The following CCSER1 variants were observed in gnomAD, a reference collection of about 807,000 sequenced individuals.
The protein encoded by CCSER1 is serine-rich coiled-coil domain-containing protein 1.
Under a neutral mutation model 82.0 loss-of-function variants are expected in CCSER1, and 41 were observed. The observed-to-expected ratio is 0.50, with a 90% confidence interval of 0.39 to 0.65. The LOEUF (loss-of-function observed/expected upper bound fraction) is 0.65. Ranked by LOEUF, CCSER1 falls within the 30% of genes least tolerant of loss-of-function variation. CCSER1 has a pLI of 0.00. For missense variants in CCSER1, 1,119 were observed against 1,064.2 expected (o/e 1.05, Z -0.72); for synonymous variants, 414 against 383.9 (o/e 1.08, Z -0.92).
intron 3 of CCSER1, among the ~76,000 whole-genome samples, chr4:90,396,764 A>G (rs1752019982): frequency 6.6e-6 from 1 of 152,066 alleles, no homozygotes; most frequent in Non-Finnish European, 1.5e-5. Flanking sequence ...CGGCAACAAA[A>G]TGATTGTCCC....
intron 5 of CCSER1, among the ~76,000 whole-genome samples, chr4:90,570,235 T>C (rs1397021052): frequency 6.6e-6 from 1 of 152,132 alleles, no homozygotes; most frequent in African/African-American, 2.4e-5. Flanking sequence ...TTGGGAGTCC[T>C]GTGGTCTAGA....
At chr4:90,919,135 G>C (rs1340409784) in intron 8 of CCSER1, among the ~76,000 whole-genome samples, 1 of 126,738 alleles carries the variant, frequency 7.9e-6, no homozygotes, top group African/African-American at 2.8e-5. Flanking sequence ...GAATCTGCAA[G>C]AAAATATAGA....
At chr4:90,237,052 C>CA (rs1350513435) in intron 1 of CCSER1, among the ~76,000 whole-genome samples, 1 of 151,994 alleles carries the variant, frequency 6.6e-6, no homozygotes, top group East Asian at 1.9e-4. Flanking sequence ...AGCTACATGC[C>CA]AGAGTATATT....
intron 5 of CCSER1, among the ~76,000 whole-genome samples, chr4:90,550,588 A>G (rs995254046): frequency 5.3e-5 from 8 of 152,208 alleles, no homozygotes; most frequent in African/African-American, 1.9e-4. Context: ...TGTGAAATAA[A>G]TTGAAACCCA....
At chr4:90,161,418 A>G (rs1419987877) in intron 1 of CCSER1, among the ~76,000 whole-genome samples, 2 of 152,170 alleles carry the variant, frequency 1.3e-5, no homozygotes, top group African/African-American at 4.8e-5. Context: ...ACGAAAATGA[A>G]ATATAGAATT....
intron 1 of CCSER1, among the ~76,000 whole-genome samples, chr4:90,193,398 A>G (rs1736008663): frequency 6.6e-6 from 1 of 152,118 alleles, no homozygotes; most frequent in Non-Finnish European, 1.5e-5. Flanking sequence ...TAGAGTGGCA[A>G]GGATATTGAA....
chr4:90,332,285 G>T (rs2153497013), intron 3 of CCSER1, among the ~76,000 whole-genome samples: 1 of 150,904 alleles, frequency 6.6e-6, no homozygotes, highest in South Asian at 2.1e-4. Flanking sequence ...TGCCCAGGCT[G>T]GAGTGCAGTG....
rs1491541598 is a variant in CCSER1 at position 90,932,967 on chromosome 4, A to AG, written c.2172+9520_2172+9521insG. Among the ~76,000 whole-genome samples the AG allele has an allele frequency of 3.7e-4, 17 of 45,620 alleles. 3 individuals are homozygous for AG. Among genetic ancestry groups the AG allele is most frequent in the African/African-American group, 1.1e-3 (7 of 6,232 alleles). 29.9% of individuals were successfully genotyped at this position (45,620 alleles called of 152,430 possible). Reference sequence around the variant, plus strand: ...GAAAGAAAGAAAGAAAGAAAGAAAGAAAGAAAGAAAGAAAGAGAAAGAAAG... The same window carrying AG: ...GAAAGAAAGAAAGAAAGAAAGAAAGAGAAGAAAGAAAGAAAGAGAAAGAAAG... On this transcript the variant is annotated intron_variant, in intron 9 of 10. Transcript: ENST00000509176.
chr4:90,814,165 C>T (rs1009313232), intron 7 of CCSER1, among the ~76,000 whole-genome samples: 1 of 152,192 alleles, frequency 6.6e-6, no homozygotes, highest in Non-Finnish European at 1.5e-5. Context: ...GTACGTTGGC[C>T]CCTATTAGCC....
intron 10 of CCSER1, among the ~76,000 whole-genome samples, chr4:91,409,126 A>G (rs573401212): frequency 1.3e-5 from 2 of 152,314 alleles, no homozygotes; most frequent in African/African-American, 4.8e-5. Context: ...GGCAAAAACA[A>G]AAAAAGAATC....
intron 10 of CCSER1, among the ~76,000 whole-genome samples, chr4:91,360,189 T>C (rs1390038067): frequency 6.6e-6 from 1 of 151,736 alleles, no homozygotes; most frequent in Non-Finnish European, 1.5e-5. Context: ...TGCTATAAAA[T>C]TGATGTGTGG....
chr4:90,851,573 CTTT>C (rs35593031), intron 8 of CCSER1, among the ~76,000 whole-genome samples: 3 of 129,794 alleles, frequency 2.3e-5, no homozygotes, highest in Non-Finnish European at 3.3e-5. Flanking sequence ...ACTTATAGAG[CTTT>C]TTTTTTTTTT....
chr4:91,441,762 C>T (rs1184006036), intron 10 of CCSER1, among the ~76,000 whole-genome samples: 1 of 152,158 alleles, frequency 6.6e-6, no homozygotes, highest in Non-Finnish European at 1.5e-5. Flanking sequence ...TGATAAGCAA[C>T]TTCAGCAAAG....
intron 3 of CCSER1, among the ~76,000 whole-genome samples, chr4:90,334,791 T>G (rs533472705): frequency 6.6e-6 from 1 of 152,304 alleles, no homozygotes; most frequent in South Asian, 2.1e-4. Context: ...TATTTTTCTT[T>G]TATTCAGTAG....
chr4:91,257,312 T>G (rs1210154924), intron 10 of CCSER1, among the ~76,000 whole-genome samples: 2 of 152,122 alleles, frequency 1.3e-5, no homozygotes, highest in African/African-American at 4.8e-5. Context: ...CAATGAAATA[T>G]TTGTTTTATT....
At chr4:90,865,906 C>G (rs1377915) in intron 8 of CCSER1, among the ~76,000 whole-genome samples, 85,912 of 151,598 alleles carry the variant, frequency 0.57, 24,641 homozygotes, top group African/African-American at 0.63. Flanking sequence ...GAAGCATGAT[C>G]GGTTATGGGG....
chr4:90,878,869 A>G (rs1720773811), intron 8 of CCSER1, among the ~76,000 whole-genome samples: 1 of 152,216 alleles, frequency 6.6e-6, no homozygotes, highest in South Asian at 2.1e-4. Flanking sequence ...TGACTTAATA[A>G]TTGTGAAACA....
chr4:90,409,343 T>C (rs1284556304), intron 4 of CCSER1, among the ~76,000 whole-genome samples: 1 of 151,492 alleles, frequency 6.6e-6, no homozygotes, highest in Admixed American at 6.6e-5. Context: ...TTCACCAAAG[T>C]GGAAATGAAG....
At chr4:91,021,295 A>G (rs1485326959) in intron 9 of CCSER1, among the ~76,000 whole-genome samples, 2 of 152,120 alleles carry the variant, frequency 1.3e-5, no homozygotes, top group African/African-American at 4.8e-5. Context: ...TTTCCATGAG[A>G]TAATATATAT....
Sources: allele counts gnomAD v4.1 joint callset (sites outside exome capture counted in the v4.1 genomes callset), GRCh38; gene constraint gnomAD v4.1.1; transcripts MANE v1.5; gene names NCBI Gene and HGNC (gene_info 2026-07-23, HGNC 2026-07-21).